The following PDZD2 variants were observed in gnomAD, a reference collection of about 807,000 sequenced individuals.
PDZD2 encodes the protein PDZ domain containing 2, also known as PDZ domain-containing protein 2.
Under a neutral mutation model 220.7 loss-of-function variants are expected in PDZD2, and 90 were observed. That is an observed-to-expected ratio of 0.41 (90% CI 0.34 to 0.49). The LOEUF is 0.49. Among genes scored for constraint, PDZD2 ranks in the 20% least tolerant of loss-of-function variants. PDZD2 has a pLI of 0.28. For synonymous variants in PDZD2, 1,375 were observed against 1,450.5 expected, an observed-to-expected ratio of 0.95 and a Z score of 1.18; for missense variants, 3,174 against 3,608.5, an observed-to-expected ratio of 0.88 and a Z score of 3.08.
At chr5:31,644,927 T>G (rs1477186797) in intron 1 of PDZD2, among the ~76,000 whole-genome samples, 1 of 151,960 alleles carries the variant, frequency 6.6e-6, no homozygotes, top group Non-Finnish European at 1.5e-5. Flanking sequence ...CCTGAAGAGG[T>G]TTTGGAGAAG....
intron 1 of PDZD2, among the ~76,000 whole-genome samples, chr5:31,649,937 CAAAA>C (rs6148975): frequency 1.6e-4 from 12 of 73,514 alleles, no homozygotes; most frequent in East Asian, 7.1e-4. Context: ...GACTCCGTCT[CAAAA>C]AAAAAAAAAA....
intron 6 of PDZD2, among the ~76,000 whole-genome samples, chr5:32,023,266 G>C (rs935891006): frequency 6.6e-6 from 1 of 152,066 alleles, no homozygotes; most frequent in Non-Finnish European, 1.5e-5. Context: ...GGCCCCCGGA[G>C]CCCAGAGCTT....
intron 2 of PDZD2, among the ~76,000 whole-genome samples, chr5:31,959,161 G>A (rs980118596): frequency 5.3e-4 from 79 of 149,984 alleles, no homozygotes; most frequent in African/African-American, 1.7e-3. Context: ...TTCAACTACT[G>A]ACCTTGTGAT....
At chr5:31,795,786 T>C (rs1442735273) in intron 1 of PDZD2, among the ~76,000 whole-genome samples, 2 of 152,212 alleles carry the variant, frequency 1.3e-5, no homozygotes, top group African/African-American at 4.8e-5. Context: ...ATGCTTCTAC[T>C]TCCCTTGTTT....
At chr5:31,831,843 G>A (rs1023883626) in intron 2 of PDZD2, among the ~76,000 whole-genome samples, 1 of 150,186 alleles carries the variant, frequency 6.7e-6, no homozygotes, top group African/African-American at 2.5e-5. Context: ...GTACCTGGGA[G>A]GTGGAGGTTG....
chr5:31,896,738 T>C (rs1741605074), intron 2 of PDZD2, among the ~76,000 whole-genome samples: 1 of 152,226 alleles, frequency 6.6e-6, no homozygotes, highest in Non-Finnish European at 1.5e-5. Context: ...GGTGGGAATA[T>C]TGCTTGAGTT....
At chr5:31,707,194 C>A (rs1747868886) in intron 1 of PDZD2, among the ~76,000 whole-genome samples, 1 of 151,008 alleles carries the variant, frequency 6.6e-6, no homozygotes, top group Non-Finnish European at 1.5e-5. Context: ...AGGAGATATA[C>A]CTAATGTAAA....
chr5:32,088,576 C>G lies in PDZD2; in HGVS notation c.5128C>G (p.Pro1710Ala), dbSNP rs1252330889. 6.2e-7 allele frequency: 1 copy of G among 1,614,084 alleles called. No individual in the cohort carries two copies. Among genetic ancestry groups the G allele is most frequent in the Middle Eastern group, 1.7e-4 (1 of 6,060 alleles). Residue 1710 changes from proline to alanine, a missense_variant, in exon 20 of 25, where the codon CCG becomes GCG. By Grantham distance (27) the Pro-to-Ala change is conservative (BLOSUM62 -1). Coordinates refer to ENST00000438447, the MANE Select transcript of PDZD2 (RefSeq NM_178140.4). The surrounding 1 kb of genome is among the most constrained non-coding windows in gnomAD (Gnocchi z 4.6). The part of the protein sequence containing the change: ...TSASSAMENS[P>A]LSKVARHFHS... ...CGCTAGCTCAGCCATGGAAAACAGTCCGCTGTCTAAAGTAGCCAGGCATTT... is the reference window on the plus strand; with the variant it reads ...CGCTAGCTCAGCCATGGAAAACAGTGCGCTGTCTAAAGTAGCCAGGCATTT...
At chr5:31,775,106 C>A (rs905726233) in intron 1 of PDZD2, among the ~76,000 whole-genome samples, 3 of 152,168 alleles carry the variant, frequency 2.0e-5, no homozygotes, top group African/African-American at 7.2e-5. Flanking sequence ...TCTAATTAGC[C>A]TTTCTTCCTC....
chr5:31,914,475 C>T (rs1743502250), intron 2 of PDZD2, among the ~76,000 whole-genome samples: 1 of 152,140 alleles, frequency 6.6e-6, no homozygotes, highest in African/African-American at 2.4e-5. Context: ...TTGCAGTGAG[C>T]CGAGATTGCA....
intron 1 of PDZD2, among the ~76,000 whole-genome samples, chr5:31,789,012 T>C (rs1301866634): frequency 6.6e-6 from 1 of 152,182 alleles, no homozygotes; most frequent in Non-Finnish European, 1.5e-5. Flanking sequence ...ATGAAAGCAA[T>C]ATATTCACTA....
At position 31,752,079 on chromosome 5, in the gene PDZD2, T is replaced by G. The variant is rs1157132014; in HGVS notation, c.-360-46810T>G. Among the ~76,000 whole-genome samples the G allele has an allele frequency of 5.6e-5, 7 of 124,534 alleles. 1 individual carries two copies. The highest frequency in any genetic ancestry group is 8.6e-5 in the Non-Finnish European group (5 of 58,072). The allele number at this position is 124,534 out of a possible 152,430, so 81.7% of individuals were successfully genotyped here. ...GTTTTATTGTTTTGGGTTTGTTTTT[T>G]TTTTTTTTTTTCTGAGACAAGGTCT... On this transcript the variant is annotated intron_variant, in intron 1 of 24. Coordinates refer to ENST00000438447, the MANE Select transcript of PDZD2 (RefSeq NM_178140.4).
chr5:31,782,020 G>C (rs573928980), intron 1 of PDZD2, among the ~76,000 whole-genome samples: 1 of 152,150 alleles, frequency 6.6e-6, no homozygotes, highest in Non-Finnish European at 1.5e-5. Flanking sequence ...ACTCTATGCC[G>C]GCACAGTGTG....
At chr5:31,692,847 G>A (rs1313430959) in intron 1 of PDZD2, 1 of 152,322 alleles carries the variant, frequency 6.6e-6, no homozygotes, top group Admixed American at 6.5e-5. Flanking sequence ...CTGCTGTCCA[G>A]GCCTCCGGGA....
chr5:31,639,699 A>T lies in PDZD2; in HGVS notation c.-361+262A>T, dbSNP rs1327797012. On this transcript the variant is annotated intron_variant, in intron 1 of 24. Transcript: ENST00000438447. This position sits in a 1 kb window ranked among gnomAD's most constrained non-coding sequence, Gnocchi z 4.1. ...GGGCTAGACAGAGCGGGACCGAGAC[A>T]GCGGGACAACCGGAGACGCACTGCC... Among the ~76,000 whole-genome samples, 1 of 152,112 alleles carries T rather than the reference A, an allele frequency of 6.6e-6. No homozygotes were observed. Among genetic ancestry groups the T allele is most frequent in the African/African-American group, 2.4e-5 (1 of 41,436 alleles).
intron 4 of PDZD2, among the ~76,000 whole-genome samples, chr5:31,998,546 C>G (rs1751829356): frequency 6.6e-6 from 1 of 152,190 alleles, no homozygotes; most frequent in Admixed American, 6.5e-5. Flanking sequence ...AGCCTAGAGA[C>G]TGGAGACAAA....
chr5:32,061,588 A>G (rs1205276589), intron 14 of PDZD2, among the ~76,000 whole-genome samples: 1 of 152,172 alleles, frequency 6.6e-6, no homozygotes, highest in Admixed American at 6.6e-5. Context: ...TATTTTTAAA[A>G]CAGTTTCAGT....
intron 2 of PDZD2, among the ~76,000 whole-genome samples, chr5:31,815,613 A>C (rs184491053): frequency 1.3e-5 from 2 of 152,284 alleles, no homozygotes; most frequent in Non-Finnish European, 2.9e-5. Context: ...TCCTAAGGGA[A>C]GAGAATATAA....
chr5:32,052,071 C>G (rs370154408), intron 8 of PDZD2, among the ~76,000 whole-genome samples: 6 of 152,314 alleles, frequency 3.9e-5, no homozygotes, highest in East Asian at 1.9e-4. Flanking sequence ...AAGAGCAACA[C>G]AAGGTGCTTA....
Sources: gnomAD v4.1 joint callset for allele counts (sites outside exome capture counted in the v4.1 genomes callset) on GRCh38, gnomAD v4.1.1 for gene constraint, Gnocchi (gnomAD v3.1) non-coding constraint, MANE v1.5 for transcripts, NCBI Gene and HGNC (gene_info 2026-07-23, HGNC 2026-07-21) for gene names.